SCN3A: variants seen among roughly 807,000 people sequenced by gnomAD.
SCN3A encodes sodium voltage-gated channel alpha subunit 3, also known as sodium channel protein type 3 subunit alpha.
A neutral mutation model predicts 187.6 loss-of-function variants in SCN3A; 60 were observed. The observed-to-expected ratio is 0.32, with a 90% CI of 0.26 to 0.40. The LOEUF (loss-of-function observed/expected upper bound fraction) is 0.40. Among genes scored for constraint, SCN3A ranks in the 10% least tolerant of loss-of-function variants. The pLI, the probability that SCN3A is intolerant of heterozygous loss-of-function variation, is 1.00. For missense variants in SCN3A, 1,601 were observed against 2,428.2 expected, an observed-to-expected ratio of 0.66 and a Z score of 7.16; for synonymous variants, 788 against 829.2, an observed-to-expected ratio of 0.95 and a Z score of 0.85.
In SCN3A at chr2:165,092,256, A is replaced by G; in HGVS notation, c.4805T>C (p.Val1602Ala). The G allele has an allele frequency of 6.2e-7, 1 of 1,613,948 alleles. No homozygotes were observed. The highest frequency in any genetic ancestry group is 1.1e-5 in the South Asian group (1 of 91,072). ...CTTGGTAATTAAGCTGTTCTTACCT[A>G]CAATGGAGAGAATCACCACCACAAA... Reference protein sequence around the residue: ...FDFVVVILSIVGMFLAEMIEK... With the variant: ...FDFVVVILSIAGMFLAEMIEK... The change falls in exon 27 of 28, where the codon GTA becomes GCA. Residue 1602 changes from valine (V) to alanine (A), a missense_variant and splice_region_variant. Val to Ala is a moderately conservative substitution (Grantham distance 64). This residue lies in a region of SCN3A where 320 missense variants were observed against 623.2 expected (regional missense o/e 0.51). Coordinates refer to ENST00000283254, the MANE Select transcript of SCN3A (RefSeq NM_006922.4). This position sits in a 1 kb window ranked among gnomAD's most constrained non-coding sequence, Gnocchi z 4.2.
At chr2:165,146,382 A>ATATGTGTG (rs1380187772) in intron 12 of SCN3A, among the ~76,000 whole-genome samples, 1 of 107,848 alleles carries the variant, frequency 9.3e-6, no homozygotes, top group African/African-American at 3.2e-5. Context: ...ATATATATAT[A>ATATGTGTG]TGTGTGTGTG....
Position 165,166,995 on chromosome 2 carries a change from G to T in SCN3A, c.473+1741C>A, listed in dbSNP as rs537538101. On this transcript the variant is annotated intron_variant, in intron 5 of 27. Coordinates refer to ENST00000283254, the MANE Select transcript of SCN3A (RefSeq NM_006922.4). ...GCTCACTGCAACCTCCACCTCCTGGGTTCAAGCGATTCTCTTGTCTCAGCC... is the reference window on the plus strand; with the variant it reads ...GCTCACTGCAACCTCCACCTCCTGGTTTCAAGCGATTCTCTTGTCTCAGCC... Among the ~76,000 whole-genome samples the T allele has an allele frequency of 2.0e-5, 3 of 152,106 alleles. No individual in the cohort carries two copies. In the South Asian group the frequency reaches 6.2e-4, roughly 32 times the overall value.
In SCN3A at chr2:165,113,899, G is replaced by A. The variant is rs1553520070; in HGVS notation, c.3586C>T (p.Arg1196Ter). 1.2e-6 allele frequency: 2 copies of A among 1,613,590 alleles called. No individual in the cohort carries two copies. The highest frequency in any genetic ancestry group is 1.7e-6 in the Non-Finnish European group (2 of 1,179,626). The change falls in exon 20 of 28, where the codon CGA (arginine) becomes TGA (stop). Residue 1196 changes from arginine to a stop codon, truncating the protein, a stop_gained. Coordinates refer to ENST00000283254, the MANE Select transcript of SCN3A (RefSeq NM_006922.4). LOFTEE classifies it high-confidence loss of function. ...EGKGKIWWNLRKTCYSIVEHN... is the reference protein window; with the variant it reads ...EGKGKIWWNL ...TCAACAATACTGTAGCAGGTTTTTC[G>A]AAGATTCCACCAGATCTTCCCTTTG... is the stretch of plus-strand genomic sequence containing the variant.
intron 4 of SCN3A, among the ~76,000 whole-genome samples, chr2:165,169,374 T>C (rs1483204510): frequency 1.3e-5 from 2 of 151,860 alleles, no homozygotes; most frequent in Non-Finnish European, 2.9e-5. Flanking sequence ...GATAAGGTAA[T>C]GTTATTTTCT....
intron 20 of SCN3A, 138 bp from the exon 21 acceptor site, chr2:165,113,196 A>C (rs142960100): frequency 1.2e-3 from 804 of 692,100 alleles, no homozygotes; most frequent in Non-Finnish European, 1.7e-3. Context: ...CATCAGACAA[A>C]ATCTAAAGAC....
chr2:165,107,450 G>C (rs1385200693), intron 21 of SCN3A, among the ~76,000 whole-genome samples: 2 of 152,162 alleles, frequency 1.3e-5, no homozygotes, highest in African/African-American at 4.8e-5. Context: ...TCTAGAGAGA[G>C]AGATCAGAAA....
chr2:165,101,545 A>C (rs1388242122), intron 21 of SCN3A, among the ~76,000 whole-genome samples: 1 of 152,204 alleles, frequency 6.6e-6, no homozygotes, highest in Non-Finnish European at 1.5e-5. Context: ...TTTTGCATCC[A>C]TTAAAAATGT....
In SCN3A at chr2:165,092,742, T is replaced by C. The variant is rs1455279656; in HGVS notation, c.4537-218A>G. The C allele has an allele frequency of 1.9e-6, 1 of 531,576 alleles. No individual in the cohort carries two copies. Among genetic ancestry groups the C allele is most frequent in the Non-Finnish European group, 3.3e-6 (1 of 300,148 alleles). The allele number at this position is 531,576 out of a possible 1,614,324, so 32.9% of individuals were successfully genotyped here. A position where few individuals can be genotyped will look rare whatever the true frequency, so the allele number is the denominator to read the frequency against. ...GCATATTTGGTTTATATAGGTCCTATGGAAAGACAAAGCTGGATGAGACAT... is the reference window on the plus strand; with the variant it reads ...GCATATTTGGTTTATATAGGTCCTACGGAAAGACAAAGCTGGATGAGACAT... On this transcript the variant is annotated intron_variant, in intron 26 of 27. Coordinates refer to ENST00000283254, the MANE Select transcript of SCN3A (RefSeq NM_006922.4). This position sits in a 1 kb window ranked among gnomAD's most constrained non-coding sequence, Gnocchi z 4.2.
At chr2:165,135,588 A>C (rs929074754) in intron 15 of SCN3A, among the ~76,000 whole-genome samples, 1 of 152,108 alleles carries the variant, frequency 6.6e-6, no homozygotes, top group African/African-American at 2.4e-5. Flanking sequence ...CCAATGATAG[A>C]AATTCTTTCT....
intron 9 of SCN3A, among the ~76,000 whole-genome samples, chr2:165,156,870 C>T (rs13012613): frequency 0.23 from 34,253 of 151,566 alleles, 5,019 homozygotes; most frequent in East Asian, 0.52. Flanking sequence ...TTATTATTAC[C>T]TAAAGTTACT....
intron 2 of SCN3A, among the ~76,000 whole-genome samples, chr2:165,177,802 T>G (rs549137867): frequency 6.6e-6 from 1 of 152,188 alleles, no homozygotes; most frequent in Non-Finnish European, 1.5e-5. Context: ...TTTCGAAATA[T>G]GAGTTATTTT....
intron 22 of SCN3A, 48 bp from the exon 23 acceptor site, chr2:165,097,572 A>G: frequency 6.3e-7 from 1 of 1,595,618 alleles, no homozygotes; most frequent in Non-Finnish European, 8.6e-7. Flanking sequence ...TTTTGAATGG[A>G]AACCATTCCT....
rs16850102 is a variant in SCN3A, at chr2:165,122,004, A to G, written c.3393+5627T>C. Among the ~76,000 whole-genome samples, 1,499 of 152,272 alleles carry G rather than the reference A, an allele frequency of 9.8e-3. 17 individuals carry two copies. Among genetic ancestry groups the G allele is most frequent in the African/African-American group, 0.034 (1,416 of 41,550 alleles). Reference sequence around the variant, plus strand: ...TTGACATTTCAAATAACAAATGGGTACACTAGGCCAATTACTTAATGATCA... The same window carrying G: ...TTGACATTTCAAATAACAAATGGGTGCACTAGGCCAATTACTTAATGATCA... On this transcript the variant is annotated intron_variant, in intron 18 of 27. Transcript: ENST00000283254.
rs1687528385 is a variant in SCN3A, at chr2:165,134,191, TAGAA to T, written c.2392-2778_2392-2775del. ...GGCTAGATAAATGTGTATTTGACAATAGAAAGAAAAACAATGAAACAAACACAAC... is the reference window on the plus strand; with the variant it reads ...GGCTAGATAAATGTGTATTTGACAATAGAAAAACAATGAAACAAACACAAC... On this transcript the variant is annotated intron_variant, in intron 15 of 27. Transcript: ENST00000283254. Among the ~76,000 whole-genome samples, 3 of 152,208 alleles carry T rather than the reference TAGAA, an allele frequency of 2.0e-5. No individual in the cohort carries two copies. In the South Asian group the frequency reaches 6.2e-4, roughly 32 times the overall value.
At chr2:165,125,101 A>T (rs1004882824) in intron 18 of SCN3A, among the ~76,000 whole-genome samples, 4 of 152,162 alleles carry the variant, frequency 2.6e-5, no homozygotes. Context: ...ACTGCATGAT[A>T]ATCTGCAATG....
At chr2:165,091,940 C>T in intron 27 of SCN3A, 1 of 413,226 alleles carries the variant, frequency 2.4e-6, no homozygotes, top group South Asian at 2.3e-5. Flanking sequence ...TATTGCATTA[C>T]AATGATTTGT....
At chr2:165,190,552 A>G (rs538091642) in intron 1 of SCN3A, among the ~76,000 whole-genome samples, 1 of 147,106 alleles carries the variant, frequency 6.8e-6, no homozygotes. Flanking sequence ...ATATTTATAT[A>G]TAACTTTATA....
intron 21 of SCN3A, among the ~76,000 whole-genome samples, chr2:165,102,873 G>A (rs190893657): frequency 1.2e-4 from 18 of 152,236 alleles, no homozygotes; most frequent in Admixed American, 5.9e-4. Flanking sequence ...GATCTGTTGC[G>A]TATTTGACTT....
chr2:165,146,163 C>T (rs1007842252), intron 12 of SCN3A, among the ~76,000 whole-genome samples: 2 of 151,968 alleles, frequency 1.3e-5, no homozygotes, highest in African/African-American at 4.8e-5. Context: ...TGGAGACTCA[C>T]CATAGTCCAG....
Sources: gnomAD v4.1 joint callset for allele counts (sites outside exome capture counted in the v4.1 genomes callset) on GRCh38, gnomAD v4.1.1 for gene constraint, gnomAD v4.1.1 regional missense constraint, Gnocchi (gnomAD v3.1) non-coding constraint, MANE v1.5 for transcripts, NCBI Gene and HGNC (gene_info 2026-07-23, HGNC 2026-07-21) for gene names.